Variants in DTNB observed in about 807,000 individuals in gnomAD.
DTNB encodes the protein dystrobrevin beta, also known as DTN-B.
Under a neutral mutation model 90.7 loss-of-function variants are expected in DTNB, and 63 were observed. The observed-to-expected ratio is 0.69, with a 90% CI of 0.57 to 0.86. The LOEUF is 0.86. Among genes scored for constraint, DTNB ranks in the 40% least tolerant of loss-of-function variants. DTNB has a pLI of 0.00. For synonymous variants in DTNB, 277 were observed against 286.7 expected (o/e 0.97, Z 0.34); for missense variants, 744 against 807.1 (o/e 0.92, Z 0.95).
intron 6 of DTNB, among the ~76,000 whole-genome samples, chr2:25,590,890 C>T (rs551186503): frequency 6.6e-6 from 1 of 152,364 alleles, no homozygotes; most frequent in Non-Finnish European, 1.5e-5. Flanking sequence ...CTGCCTCCTA[C>T]TGCTGTTCAT....
chr2:25,496,296 T>C (rs993649332), intron 9 of DTNB, among the ~76,000 whole-genome samples: 1 of 152,194 alleles, frequency 6.6e-6, no homozygotes, highest in African/African-American at 2.4e-5. Context: ...CTTGTTCTCC[T>C]TGTTCATTAA....
At chr2:25,662,118 T>C (rs928778938) in intron 1 of DTNB, among the ~76,000 whole-genome samples, 20 of 150,416 alleles carry the variant, frequency 1.3e-4, no homozygotes, top group African/African-American at 4.9e-4. Flanking sequence ...ATTGTGTCAC[T>C]GCACGCCAGC....
intron 18 of DTNB, among the ~76,000 whole-genome samples, chr2:25,385,556 G>A (rs1486200442): frequency 3.5e-4 from 54 of 152,184 alleles, no homozygotes; most frequent in Non-Finnish European, 8.8e-5. Context: ...TCTTGTCCTG[G>A]AGGGGAGTAA....
At chr2:25,588,977 A>G (rs906421422) in intron 6 of DTNB, among the ~76,000 whole-genome samples, 3 of 152,256 alleles carry the variant, frequency 2.0e-5, no homozygotes, top group African/African-American at 7.2e-5. Context: ...AATAACAAAT[A>G]TAGATACACC....
intron 15 of DTNB, 114 bp from the exon 16 acceptor site, chr2:25,419,649 C>T (rs1469987408): frequency 4.4e-6 from 6 of 1,357,844 alleles, no homozygotes; most frequent in Non-Finnish European, 6.0e-6. Context: ...TCAGGCAAAC[C>T]AGGCCAGGCC....
At chr2:25,591,132 G>A (rs1366473792) in intron 6 of DTNB, among the ~76,000 whole-genome samples, 1 of 152,232 alleles carries the variant, frequency 6.6e-6, no homozygotes, top group African/African-American at 2.4e-5. Context: ...GGAGCAGGGA[G>A]ACGCCAGGCA....
At chr2:25,430,849 G>A (rs904142028) in intron 14 of DTNB, among the ~76,000 whole-genome samples, 3 of 152,072 alleles carry the variant, frequency 2.0e-5, no homozygotes, top group Admixed American at 1.3e-4. Context: ...TACGTTTGTC[G>A]CACACACATT....
chr2:25,659,293 A>C (rs1464564148), intron 1 of DTNB, among the ~76,000 whole-genome samples: 2 of 152,226 alleles, frequency 1.3e-5, no homozygotes, highest in Non-Finnish European at 2.9e-5. Context: ...TGAAATGTAC[A>C]TTCTTTTTAG....
intron 9 of DTNB, among the ~76,000 whole-genome samples, chr2:25,518,137 C>T (rs1017690067): frequency 6.6e-6 from 1 of 151,912 alleles, no homozygotes; most frequent in African/African-American, 2.4e-5. Context: ...TTACACTTGC[C>T]ATTACTGAAC....
At chr2:25,416,783 T>TGGAAGGAAGGAAGGAAGGAAGGAAGGAA (rs879624056) in intron 16 of DTNB, among the ~76,000 whole-genome samples, 1 of 117,864 alleles carries the variant, frequency 8.5e-6, no homozygotes, top group African/African-American at 3.5e-5. Context: ...AGCCAGAACC[T>TGGAAGGAAGGAAGGAAGGAAGGAAGGAA]GGAAGGAAGG....
At chr2:25,419,209 CACA>C (rs2048693091) in intron 16 of DTNB, 4 of 493,246 alleles carry the variant, frequency 8.1e-6, no homozygotes, top group Middle Eastern at 5.0e-4. Flanking sequence ...ACTCCAGACA[CACA>C]ACAACAGAGA....
At chr2:25,455,211 C>T (rs150067936) in intron 11 of DTNB, among the ~76,000 whole-genome samples, 194 bp downstream of exon 11, 1 of 152,318 alleles carries the variant, frequency 6.6e-6, no homozygotes, top group African/African-American at 2.4e-5. Context: ...TAGGTCAGCG[C>T]CCAGGCTTGG....
In DTNB at chr2:25,447,499, CTTTTTTTTTTTT is replaced by C. The variant is rs34508984; in HGVS notation, c.1257+4037_1257+4048del. ...TTTCTGTGTGCTGGCAGCTAGTTAT[CTTTTTTTTTTTT>C]TTTTTTTTTTGAGACAAGAGTCTTG... On this transcript the variant is annotated intron_variant, in intron 12 of 20. Coordinates refer to ENST00000406818, the MANE Select transcript of DTNB (RefSeq NM_021907.5). 5.5e-4 allele frequency among the ~76,000 whole-genome samples: 64 copies of C among 116,024 alleles called. No individual in the cohort carries two copies. In the South Asian group the frequency reaches 0.018, roughly 33 times the overall value. The allele number at this position is 116,024 out of a possible 152,430, so 76.1% of individuals were successfully genotyped here.
intron 8 of DTNB, chr2:25,576,582 G>T: frequency 2.8e-6 from 1 of 350,898 alleles, no homozygotes; most frequent in Non-Finnish European, 5.1e-6. Flanking sequence ...AGAGAGCACT[G>T]CAACATTCCA....
At chr2:25,382,108 C>G (rs1345788845) in intron 19 of DTNB, among the ~76,000 whole-genome samples, 1 of 152,206 alleles carries the variant, frequency 6.6e-6, no homozygotes, top group Non-Finnish European at 1.5e-5. Context: ...CAGGTTCTTT[C>G]ACTCCCCCGA....
intron 8 of DTNB, among the ~76,000 whole-genome samples, chr2:25,538,241 A>C (rs921934480): frequency 8.7e-6 from 1 of 115,022 alleles, no homozygotes; most frequent in African/African-American, 3.9e-5. Flanking sequence ...CAAAAAATAT[A>C]TATATATCCA....
At chr2:25,446,582 C>G (rs1363232717) in intron 12 of DTNB, among the ~76,000 whole-genome samples, 1 of 151,414 alleles carries the variant, frequency 6.6e-6, no homozygotes, top group Non-Finnish European at 1.5e-5. Flanking sequence ...TTTTTTTTTC[C>G]TTTATAAATT....
intron 12 of DTNB, among the ~76,000 whole-genome samples, chr2:25,449,382 C>G (rs940756176): frequency 2.6e-5 from 4 of 152,142 alleles, no homozygotes; most frequent in Non-Finnish European, 4.4e-5. Flanking sequence ...ATAAATTTTG[C>G]TTCTTTAAGA....
At chr2:25,590,710 G>C (rs913445303) in intron 6 of DTNB, among the ~76,000 whole-genome samples, 10 of 152,332 alleles carry the variant, frequency 6.6e-5, no homozygotes, top group Admixed American at 1.3e-4. Context: ...TAAAGGGGAG[G>C]AAGCGCATGC....
Sources: allele counts gnomAD v4.1 joint callset (sites outside exome capture counted in the v4.1 genomes callset), GRCh38; gene constraint gnomAD v4.1.1; transcripts MANE v1.5; gene names NCBI Gene and HGNC (gene_info 2026-07-23, HGNC 2026-07-21).